Variants in FOXP1 observed in about 807,000 individuals in gnomAD.
FOXP1 encodes the protein forkhead box P1.
FOXP1 carries 15 observed loss-of-function variants against 98.2 expected under a neutral mutation model. The ratio of observed to expected loss-of-function variants is 0.15; its 90% confidence interval spans 0.10 to 0.24. FOXP1 has a LOEUF of 0.24. Among genes scored for constraint, FOXP1 ranks in the 10% least tolerant of loss-of-function variants. The pLI is 1.00. For synonymous variants in FOXP1, 371 were observed against 314.5 expected, an observed-to-expected ratio of 1.18 and a Z score of -1.90; for missense variants, 633 against 848.5, an observed-to-expected ratio of 0.75 and a Z score of 3.15.
At chr3:71,245,065 TAC>T (rs923480750) in intron 5 of FOXP1, 3 of 152,098 alleles carry the variant, frequency 2.0e-5, no homozygotes, top group Non-Finnish European at 4.4e-5. Flanking sequence ...GGTTTGCATA[TAC>T]AGAGCTCAGT....
intron 6 of FOXP1, among the ~76,000 whole-genome samples, chr3:71,175,505 C>A (rs973079384): frequency 2.6e-5 from 4 of 152,014 alleles, no homozygotes; most frequent in Admixed American, 2.6e-4. Context: ...AAAAGCAGAC[C>A]CATCAGCTTG....
At chr3:70,992,973 G>A (rs767642094) in intron 13 of FOXP1, among the ~76,000 whole-genome samples, 3 of 152,100 alleles carry the variant, frequency 2.0e-5, no homozygotes, top group East Asian at 1.9e-4. Flanking sequence ...CTGTGAGGCC[G>A]CTAGTATAGG....
At position 71,564,885 on chromosome 3, in the gene FOXP1, T is replaced by G. The variant is rs903619326; in HGVS notation, c.-298+16664A>C. Reference sequence around the variant, plus strand: ...ATCTCAGCACTTTGGGAGGCTGAGGTGGGTGGATCACCTGAGGTCAGGAGT... The same window carrying G: ...ATCTCAGCACTTTGGGAGGCTGAGGGGGGTGGATCACCTGAGGTCAGGAGT... On this transcript the variant is annotated intron_variant, in intron 2 of 20. Transcript: ENST00000649528. Among the ~76,000 whole-genome samples the G allele has an allele frequency of 6.6e-5, 10 of 152,054 alleles. 1 individual carries two copies.
chr3:71,099,094 C>T (rs1484014840), intron 7 of FOXP1, among the ~76,000 whole-genome samples: 1 of 152,226 alleles, frequency 6.6e-6, no homozygotes, highest in African/African-American at 2.4e-5. Flanking sequence ...TTCCGGTTAC[C>T]CAAAAGTTGA....
intron 5 of FOXP1, among the ~76,000 whole-genome samples, chr3:71,240,326 G>C (rs1008153653): frequency 6.6e-6 from 1 of 152,252 alleles, no homozygotes; most frequent in African/African-American, 2.4e-5. Flanking sequence ...TGGAAGGGCA[G>C]TGTACTGGCC....
At chr3:71,510,391 C>A (rs1210621181) in intron 2 of FOXP1, among the ~76,000 whole-genome samples, 1 of 151,944 alleles carries the variant, frequency 6.6e-6, no homozygotes, top group Admixed American at 6.6e-5. Context: ...GCAGGAGAAT[C>A]GCTTGAACCC....
intron 5 of FOXP1, among the ~76,000 whole-genome samples, chr3:71,253,038 C>G (rs1041447887): frequency 2.0e-5 from 3 of 152,152 alleles, no homozygotes; most frequent in African/African-American, 7.2e-5. Flanking sequence ...GCAAGGGTGT[C>G]GCTTCATGGC....
chr3:71,554,349 T>C (rs2045974666), intron 2 of FOXP1, among the ~76,000 whole-genome samples: 2 of 152,158 alleles, frequency 1.3e-5, no homozygotes, highest in South Asian at 4.1e-4. Context: ...GGGGACTCTG[T>C]CTCTTTAACA....
At chr3:71,391,840 C>T (rs2081058254) in intron 3 of FOXP1, among the ~76,000 whole-genome samples, 1 of 151,990 alleles carries the variant, frequency 6.6e-6, no homozygotes, top group Non-Finnish European at 1.5e-5. Flanking sequence ...ATCTGCTGCT[C>T]TCTCTCTGTG....
At chr3:70,963,236 T>C (rs2106945156) in intron 20 of FOXP1, among the ~76,000 whole-genome samples, 1 of 152,322 alleles carries the variant, frequency 6.6e-6, no homozygotes, top group African/African-American at 2.4e-5. Flanking sequence ...AAATGTTAAC[T>C]GGCTAGATCT....
chr3:70,976,057 T>G (rs1464957587), intron 17 of FOXP1, among the ~76,000 whole-genome samples: 6 of 146,976 alleles, frequency 4.1e-5, no homozygotes, highest in African/African-American at 1.5e-4. Context: ...TCCTTTTTTT[T>G]TTTTTTTTTT....
At chr3:71,119,449 A>G (rs1344548106) in intron 6 of FOXP1, among the ~76,000 whole-genome samples, 1 of 152,144 alleles carries the variant, frequency 6.6e-6, no homozygotes, top group Non-Finnish European at 1.5e-5. Context: ...TGTTTTTCAG[A>G]TAATTTCATG....
intron 6 of FOXP1, among the ~76,000 whole-genome samples, chr3:71,170,296 C>T (rs2061588525): frequency 6.6e-6 from 1 of 152,210 alleles, no homozygotes; most frequent in Non-Finnish European, 1.5e-5. Context: ...CCCCCCACGC[C>T]CTCACTCCGT....
chr3:71,234,359 C>G (rs142546226), intron 5 of FOXP1, among the ~76,000 whole-genome samples: 2 of 152,152 alleles, frequency 1.3e-5, no homozygotes, highest in Non-Finnish European at 2.9e-5. Flanking sequence ...GGAGATCATC[C>G]GACAAAATGG....
At chr3:71,325,649 G>GTATTATTATTAT (rs10575337) in intron 4 of FOXP1, among the ~76,000 whole-genome samples, 1 of 148,022 alleles carries the variant, frequency 6.8e-6, no homozygotes, top group East Asian at 2.0e-4. Context: ...TCCTACAAAT[G>GTATTATTATTAT]TATTATTATT....
chr3:71,163,974 T>C lies in FOXP1; in HGVS notation c.180+34228A>G, dbSNP rs148320279. On this transcript the variant is annotated intron_variant, in intron 6 of 20. Transcript: ENST00000649528. Reference sequence around the variant, plus strand: ...CTTCACAATGGCGACTGTGAGAAGATCAAGGGCTGAATGTCTGCCTGGCAG... The same window carrying C: ...CTTCACAATGGCGACTGTGAGAAGACCAAGGGCTGAATGTCTGCCTGGCAG... 4.5e-4 allele frequency among the ~76,000 whole-genome samples: 68 copies of C among 152,258 alleles called. No individual in the cohort carries two copies. The East Asian group carries it at 0.013, about 29-fold the overall frequency.
chr3:71,027,089 C>A lies in FOXP1; in HGVS notation c.870-11436G>T, dbSNP rs78507955. The stretch of plus-strand genomic sequence containing the variant: ...AATGCTTTCCAAAAAGTGGTGTGAG[C>A]AACTGTGTCAATACAGACATAGGGA... On this transcript the variant is annotated intron_variant, in intron 11 of 20. Coordinates refer to ENST00000649528, the MANE Select transcript of FOXP1 (RefSeq NM_001349338.3). 5.7e-3 allele frequency among the ~76,000 whole-genome samples: 861 copies of A among 152,238 alleles called. 10 individuals carry two copies. The highest frequency in any genetic ancestry group is 0.016 in the South Asian group (78 of 4,818).
intron 9 of FOXP1, among the ~76,000 whole-genome samples, chr3:71,048,956 T>C (rs2049433644): frequency 6.6e-6 from 1 of 152,130 alleles, no homozygotes; most frequent in Admixed American, 6.6e-5. Flanking sequence ...CTGTCTACGT[T>C]TGAAAAGCCA....
At chr3:71,253,061 G>A (rs2068337368) in intron 5 of FOXP1, among the ~76,000 whole-genome samples, 1 of 152,204 alleles carries the variant, frequency 6.6e-6, no homozygotes. Context: ...TCTGTTTCCA[G>A]GTACTGGGCC....
Sources: allele counts gnomAD v4.1 joint callset (sites outside exome capture counted in the v4.1 genomes callset), GRCh38; gene constraint gnomAD v4.1.1; transcripts MANE v1.5; gene names NCBI Gene and HGNC (gene_info 2026-07-23, HGNC 2026-07-21).